The following GRID2 variants were observed in gnomAD, a reference collection of about 807,000 sequenced individuals.
The protein encoded by GRID2 is glutamate ionotropic receptor delta type subunit 2, also known as glutamate receptor ionotropic, delta-2.
Under a neutral mutation model 114.8 loss-of-function variants are expected in GRID2, and 33 were observed. The observed-to-expected ratio is 0.29, with a 90% CI of 0.22 to 0.38. The LOEUF (loss-of-function observed/expected upper bound fraction) is 0.38, where lower values mean the gene tolerates loss of function less well. Among genes scored for constraint, GRID2 ranks in the 10% least tolerant of loss-of-function variants. GRID2 has a pLI of 1.00. For synonymous variants in GRID2, 505 were observed against 449.9 expected (o/e 1.12, Z -1.55); for missense variants, 1,184 against 1,257.7 (o/e 0.94, Z 0.89).
intron 11 of GRID2, among the ~76,000 whole-genome samples, chr4:93,484,238 C>G (rs1451122510): frequency 6.6e-6 from 1 of 151,824 alleles, no homozygotes; most frequent in African/African-American, 2.4e-5. Flanking sequence ...ACCAGTGACC[C>G]AGCCCCCATT....
intron 14 of GRID2, among the ~76,000 whole-genome samples, chr4:93,704,387 T>C (rs1336958124): frequency 6.6e-6 from 1 of 152,186 alleles, no homozygotes; most frequent in African/African-American, 2.4e-5. Flanking sequence ...TTGTAGAGTC[T>C]TGATATTAGC....
intron 2 of GRID2, among the ~76,000 whole-genome samples, chr4:92,850,390 A>T (rs1743686808): frequency 6.6e-6 from 1 of 151,876 alleles, no homozygotes; most frequent in African/African-American, 2.4e-5. Context: ...AACAAATGTT[A>T]CATATTTACC....
At chr4:93,112,355 C>T (rs1440883084) in intron 4 of GRID2, 1 of 152,058 alleles carries the variant, frequency 6.6e-6, no homozygotes, top group Non-Finnish European at 1.5e-5. Context: ...TGGTAATTCC[C>T]ACGTGTTGAG....
Position 93,471,698 on chromosome 4 carries a change from A to ATTTTTTTTTTTTTTTTTTTT in GRID2, c.1858+15741_1858+15742insTTTTTTTTTTTTTTTTTTTT. On this transcript the variant is annotated intron_variant, in intron 11 of 15. Coordinates refer to ENST00000282020, the MANE Select transcript of GRID2 (RefSeq NM_001510.4). ...ATTGTTATTTCTTCTCCTGAATTCAATTTTTTTTTTTTTTTTTGGAGACGG... is the reference window on the plus strand; with the variant it reads ...ATTGTTATTTCTTCTCCTGAATTCAATTTTTTTTTTTTTTTTTTTTTTTTTTTTTTTTTTTTTGGAGACGG... Among the ~76,000 whole-genome samples, 56 of 60,984 alleles carry ATTTTTTTTTTTTTTTTTTTT rather than the reference A, an allele frequency of 9.2e-4. 10 individuals are homozygous for ATTTTTTTTTTTTTTTTTTTT. The highest frequency in any genetic ancestry group is 3.0e-3 in the African/African-American group (33 of 11,082). 40.0% of individuals were successfully genotyped at this position (60,984 alleles called of 152,430 possible). A position where few individuals can be genotyped will look rare whatever the true frequency, so the allele number is the denominator to read the frequency against.
chr4:93,782,892 T>TACACAC (rs57202855), intron 1 of GRID2, among the ~76,000 whole-genome samples: 2 of 149,854 alleles, frequency 1.3e-5, no homozygotes, highest in South Asian at 4.2e-4. Flanking sequence ...CCATGAATCA[T>TACACAC]ACACACACAC....
chr4:92,741,306 A>G lies in GRID2; in HGVS notation c.244+151020A>G, dbSNP rs79267449. On this transcript the variant is annotated intron_variant, in intron 2 of 15. Coordinates refer to ENST00000282020, the MANE Select transcript of GRID2 (RefSeq NM_001510.4). ...GAAACACTGTCAGTCACATTGCACC[A>G]TATAAGATTCAGATAATCGTAATAA... Among the ~76,000 whole-genome samples, 1,280 of 152,248 alleles carry G rather than the reference A, an allele frequency of 8.4e-3. 17 individuals are homozygous for G. The highest frequency in any genetic ancestry group is 0.03 in the African/African-American group (1,236 of 41,522).
At chr4:92,349,900 A>G (rs983931513) in intron 1 of GRID2, among the ~76,000 whole-genome samples, 2 of 151,906 alleles carry the variant, frequency 1.3e-5, no homozygotes, top group Non-Finnish European at 2.9e-5. Flanking sequence ...ATGGAATTTT[A>G]CCAGTAACCC....
chr4:92,989,304 AAT>A (rs2149200646), intron 2 of GRID2, among the ~76,000 whole-genome samples: 1 of 145,534 alleles, frequency 6.9e-6, no homozygotes, highest in East Asian at 2.0e-4. Flanking sequence ...AAAAAAAAAT[AAT>A]AATAATAATC....
chr4:93,135,142 T>C (rs1735128852), intron 4 of GRID2, among the ~76,000 whole-genome samples: 1 of 152,188 alleles, frequency 6.6e-6, no homozygotes, highest in Admixed American at 6.5e-5. Flanking sequence ...TAGATAATGA[T>C]GTGCAAACAG....
intron 2 of GRID2, among the ~76,000 whole-genome samples, chr4:92,941,065 G>A (rs1458956438): frequency 6.6e-6 from 1 of 152,132 alleles, no homozygotes; most frequent in African/African-American, 2.4e-5. Context: ...TTTGGTATCA[G>A]GATGATGCTG....
intron 1 of GRID2, among the ~76,000 whole-genome samples, chr4:93,786,652 A>T (rs574152459): frequency 6.6e-6 from 1 of 152,344 alleles, no homozygotes; most frequent in South Asian, 2.1e-4. Flanking sequence ...AGATGGAGGA[A>T]GCAAATCACT....
chr4:93,138,919 T>A (rs748798748), intron 4 of GRID2, among the ~76,000 whole-genome samples: 18 of 152,316 alleles, frequency 1.2e-4, no homozygotes, highest in Admixed American at 3.9e-4. Context: ...ATCTCCGTAC[T>A]CCTCAGAGTG....
At chr4:92,758,229 G>A (rs1578151789) in intron 2 of GRID2, among the ~76,000 whole-genome samples, 2 of 152,178 alleles carry the variant, frequency 1.3e-5, no homozygotes, top group South Asian at 4.1e-4. Context: ...GAGAATAGGA[G>A]AAGTGGTATT....
chr4:92,632,614 G>A (rs535665069), intron 2 of GRID2, among the ~76,000 whole-genome samples: 2 of 151,730 alleles, frequency 1.3e-5, no homozygotes, highest in South Asian at 2.1e-4. Flanking sequence ...CCTGAGCCAC[G>A]GAGCGAGATT....
chr4:92,834,491 G>A (rs1742321355), intron 2 of GRID2, among the ~76,000 whole-genome samples: 1 of 152,088 alleles, frequency 6.6e-6, no homozygotes, highest in Non-Finnish European at 1.5e-5. Flanking sequence ...ATGGAGAAAT[G>A]AGGGATTCTG....
intron 1 of GRID2, among the ~76,000 whole-genome samples, chr4:92,475,533 A>G (rs1258114735): frequency 6.6e-6 from 1 of 151,914 alleles, no homozygotes; most frequent in Admixed American, 6.6e-5. Context: ...TAGCACATGT[A>G]TCTGATTTTA....
At chr4:93,129,862 C>T (rs1351770141) in intron 4 of GRID2, among the ~76,000 whole-genome samples, 1 of 151,956 alleles carries the variant, frequency 6.6e-6, no homozygotes, top group Non-Finnish European at 1.5e-5. Context: ...CAGATGGTAC[C>T]CAGTGAGGTT....
intron 14 of GRID2, among the ~76,000 whole-genome samples, chr4:93,669,914 A>T (rs1467803164): frequency 6.6e-6 from 1 of 152,098 alleles, no homozygotes; most frequent in Non-Finnish European, 1.5e-5. Context: ...TCAGAGCACC[A>T]CTTGCTAATC....
intron 14 of GRID2, among the ~76,000 whole-genome samples, chr4:93,637,471 C>T (rs1256541289): frequency 6.6e-6 from 1 of 152,134 alleles, no homozygotes; most frequent in African/African-American, 2.4e-5. Flanking sequence ...GAACATGCAC[C>T]AGTGCTGGAA....
Sources: allele counts gnomAD v4.1 joint callset (sites outside exome capture counted in the v4.1 genomes callset), GRCh38; gene constraint gnomAD v4.1.1; transcripts MANE v1.5; gene names NCBI Gene and HGNC (gene_info 2026-07-23, HGNC 2026-07-21).